Variants in FGGY observed in about 807,000 individuals in gnomAD.
The protein encoded by FGGY is FGGY carbohydrate kinase domain-containing protein.
A neutral mutation model predicts 71.3 loss-of-function variants in FGGY; 72 were observed. That is an observed-to-expected ratio of 1.01 (90% CI 0.84 to 1.23). The LOEUF is 1.23. Among genes scored for constraint, FGGY ranks in the 50% most tolerant of loss-of-function variants. FGGY has a pLI of 0.00. For missense variants in FGGY, 668 were observed against 682.3 expected (o/e 0.98, Z 0.23); for synonymous variants, 251 against 250.3 (o/e 1.00, Z -0.02).
At position 59,710,884 on chromosome 1, in the gene FGGY, G is replaced by A. The variant is rs184993744; in HGVS notation, c.1512+36751G>A. On this transcript the variant is annotated intron_variant, in intron 14 of 15. Coordinates refer to ENST00000303721, the MANE Select transcript of FGGY (RefSeq NM_018291.5). ...CAACCTTTGTGGAAGACAGTGTGGCGATTCCTCAAGGATCTAGAACTAGAA... is the reference window on the plus strand; with the variant it reads ...CAACCTTTGTGGAAGACAGTGTGGCAATTCCTCAAGGATCTAGAACTAGAA... Among the ~76,000 whole-genome samples the A allele has an allele frequency of 1.4e-3, 217 of 152,202 alleles. 2 individuals are homozygous for A. Among genetic ancestry groups the A allele is most frequent in the African/African-American group, 4.8e-3 (198 of 41,526 alleles).
chr1:59,500,663 C>CAAA lies in FGGY; in HGVS notation c.671-11627_671-11625dup, dbSNP rs922111998. 6.3e-3 allele frequency among the ~76,000 whole-genome samples: 282 copies of CAAA among 44,656 alleles called. 8 individuals carry two copies. The highest frequency in any genetic ancestry group is 0.021 in the African/African-American group (232 of 11,022). 29.3% of individuals were successfully genotyped at this position (44,656 alleles called of 152,430 possible). A position where few individuals can be genotyped will look rare whatever the true frequency, so the allele number is the denominator to read the frequency against. On this transcript the variant is annotated intron_variant, in intron 6 of 15. Transcript: ENST00000303721. Reference sequence around the variant, plus strand: ...TCATTGTAGCACACTGCCTTCTTGCCAAAAAAAAAAAAAAAAAAAAAAAGG... The same window carrying CAAA: ...TCATTGTAGCACACTGCCTTCTTGCCAAAAAAAAAAAAAAAAAAAAAAAAAAGG...
chr1:59,759,516 G>A (rs1183358847), intron 15 of FGGY, among the ~76,000 whole-genome samples: 2 of 152,188 alleles, frequency 1.3e-5, no homozygotes, highest in African/African-American at 2.4e-5. Context: ...AGACTTTTCA[G>A]GGAAGTTTTT....
At chr1:59,394,650 A>G (rs1048666891) in intron 5 of FGGY, among the ~76,000 whole-genome samples, 1 of 152,186 alleles carries the variant, frequency 6.6e-6, no homozygotes, top group South Asian at 2.1e-4. Context: ...GGAGCTAAAT[A>G]CTATTGTCTA....
intron 14 of FGGY, among the ~76,000 whole-genome samples, chr1:59,728,525 A>G (rs1214424564): frequency 2.0e-5 from 3 of 152,004 alleles, no homozygotes; most frequent in African/African-American, 4.8e-5. Flanking sequence ...TTTTTGACCT[A>G]TATCATTTTC....
intron 8 of FGGY, among the ~76,000 whole-genome samples, chr1:59,575,298 T>C (rs538799851): frequency 6.6e-6 from 1 of 152,332 alleles, no homozygotes; most frequent in South Asian, 2.1e-4. Flanking sequence ...ACCAACATTC[T>C]ACTCTCTACT....
At chr1:59,497,886 C>T (rs1055117267) in intron 6 of FGGY, among the ~76,000 whole-genome samples, 7 of 149,738 alleles carry the variant, frequency 4.7e-5, no homozygotes, top group Admixed American at 2.0e-4. Flanking sequence ...ACTGCTGCCC[C>T]ATTTTTCCGT....
chr1:59,718,488 G>A (rs138436177), intron 14 of FGGY, among the ~76,000 whole-genome samples: 103 of 152,198 alleles, frequency 6.8e-4, no homozygotes, highest in African/African-American at 2.4e-3. Flanking sequence ...CCTGGCATGG[G>A]GCAGAGGGTG....
chr1:59,480,395 T>C (rs1443060466), intron 6 of FGGY, among the ~76,000 whole-genome samples: 3 of 152,162 alleles, frequency 2.0e-5, no homozygotes, highest in Non-Finnish European at 4.4e-5. Context: ...GAGTCCATGT[T>C]CCAGGAAGAA....
Position 59,325,365 on chromosome 1 carries a change from G to GCAA in FGGY, c.201+3634_201+3636dup, listed in dbSNP as rs1057204390. On this transcript the variant is annotated intron_variant, in intron 2 of 15. Coordinates refer to ENST00000303721, the MANE Select transcript of FGGY (RefSeq NM_018291.5). ...GAGTGGGACTCCGTGTCCAACAACAGCAACAACAACAACAACAACAAAAAC... is the reference window on the plus strand; with the variant it reads ...GAGTGGGACTCCGTGTCCAACAACAGCAACAACAACAACAACAACAACAAAAAC... Among the ~76,000 whole-genome samples, 289 of 66,772 alleles carry GCAA rather than the reference G, an allele frequency of 4.3e-3. 3 individuals are homozygous for GCAA. The highest frequency in any genetic ancestry group is 0.013 in the African/African-American group (244 of 18,394). 43.8% of individuals were successfully genotyped at this position (66,772 alleles called of 152,430 possible).
At chr1:59,619,378 A>C (rs1340885642) in intron 9 of FGGY, among the ~76,000 whole-genome samples, 11 of 152,100 alleles carry the variant, frequency 7.2e-5, no homozygotes, top group Non-Finnish European at 2.9e-5. Flanking sequence ...ATAAGTTATT[A>C]AGACAAATAG....
At chr1:59,761,645 C>T (rs939514362) in intron 15 of FGGY, among the ~76,000 whole-genome samples, 1 of 152,186 alleles carries the variant, frequency 6.6e-6, no homozygotes, top group African/African-American at 2.4e-5. Flanking sequence ...TGATTCATGG[C>T]CAATACCAGT....
intron 8 of FGGY, among the ~76,000 whole-genome samples, chr1:59,590,036 G>A (rs542847808): frequency 3.3e-5 from 5 of 151,980 alleles, no homozygotes; most frequent in East Asian, 1.9e-4. Context: ...TTGATAGATC[G>A]CTAGCAAGAC....
At chr1:59,560,632 CT>C (rs779410444) in intron 8 of FGGY, among the ~76,000 whole-genome samples, 5 of 149,270 alleles carry the variant, frequency 3.3e-5, no homozygotes, top group East Asian at 1.9e-4. Context: ...ATAAAGAAAA[CT>C]TTTTTTTTTA....
intron 8 of FGGY, among the ~76,000 whole-genome samples, chr1:59,592,791 G>C (rs1467509464): frequency 1.4e-5 from 2 of 140,494 alleles, no homozygotes; most frequent in Non-Finnish European, 3.0e-5. Context: ...GTTGTGGGGT[G>C]GGGGGACGGG....
chr1:59,349,190 A>G (rs540040654), intron 4 of FGGY, among the ~76,000 whole-genome samples: 1 of 152,258 alleles, frequency 6.6e-6, no homozygotes, highest in South Asian at 2.1e-4. Flanking sequence ...TGGGCTCCAA[A>G]TCTCAGCTTA....
intron 8 of FGGY, among the ~76,000 whole-genome samples, chr1:59,562,214 AG>A (rs2095803022): frequency 6.6e-6 from 1 of 152,252 alleles, no homozygotes; most frequent in African/African-American, 2.4e-5. Context: ...GTAATAGTCC[AG>A]CACTGGAAAC....
chr1:59,596,244 A>G (rs1375193573), intron 8 of FGGY, among the ~76,000 whole-genome samples: 1 of 151,864 alleles, frequency 6.6e-6, no homozygotes, highest in Admixed American at 6.6e-5. Context: ...AAAATGTTGA[A>G]TATGGAGAAG....
intron 6 of FGGY, among the ~76,000 whole-genome samples, chr1:59,503,618 T>TATAA (rs1491270217): frequency 7.0e-6 from 1 of 143,754 alleles, no homozygotes; most frequent in Non-Finnish European, 1.5e-5. Context: ...TATATATATA[T>TATAA]AAAATATGTA....
intron 4 of FGGY, among the ~76,000 whole-genome samples, chr1:59,376,143 G>C (rs2058626970): frequency 6.6e-6 from 1 of 152,138 alleles, no homozygotes; most frequent in African/African-American, 2.4e-5. Context: ...ACCATTTTCT[G>C]ACTGTGGCTT....
Sources: gnomAD v4.1 joint callset for allele counts (sites outside exome capture counted in the v4.1 genomes callset) on GRCh38, gnomAD v4.1.1 for gene constraint, MANE v1.5 for transcripts, NCBI Gene and HGNC (gene_info 2026-07-23, HGNC 2026-07-21) for gene names.